The following CNTNAP5 variants were observed in gnomAD, a reference collection of about 807,000 sequenced individuals.
CNTNAP5 encodes contactin-associated protein-like 5.
Under a neutral mutation model 150.2 loss-of-function variants are expected in CNTNAP5, and 72 were observed. That is an observed-to-expected ratio of 0.48 (90% CI 0.40 to 0.58). CNTNAP5 has a LOEUF of 0.58. Ranked by LOEUF, CNTNAP5 falls within the 20% of genes least tolerant of loss-of-function variation. The pLI is 0.00. For synonymous variants in CNTNAP5, 672 were observed against 619.8 expected, an observed-to-expected ratio of 1.08 and a Z score of -1.25; for missense variants, 1,636 against 1,626.2, an observed-to-expected ratio of 1.01 and a Z score of -0.10.
intron 10 of CNTNAP5, among the ~76,000 whole-genome samples, chr2:124,552,859 G>A (rs1400326094): frequency 1.3e-5 from 2 of 152,088 alleles, no homozygotes; most frequent in South Asian, 2.1e-4. Context: ...ATCTCTTTAC[G>A]TACAGACGTA....
At chr2:124,856,783 A>G (rs1229721297) in intron 19 of CNTNAP5, among the ~76,000 whole-genome samples, 3 of 152,312 alleles carry the variant, frequency 2.0e-5, no homozygotes, top group East Asian at 1.9e-4. Flanking sequence ...GGAGGAGTGT[A>G]GTATCTCTTC....
At chr2:124,800,371 A>G (rs1208479434) in intron 19 of CNTNAP5, among the ~76,000 whole-genome samples, 1 of 147,822 alleles carries the variant, frequency 6.8e-6, no homozygotes, top group Non-Finnish European at 1.5e-5. Flanking sequence ...TTGCACACAC[A>G]TATACACACA....
intron 3 of CNTNAP5, among the ~76,000 whole-genome samples, chr2:124,402,814 A>T (rs750801090): frequency 5.3e-5 from 8 of 152,038 alleles, no homozygotes; most frequent in Non-Finnish European, 1.0e-4. Flanking sequence ...CTATTGTTTA[A>T]CTCTCATTTT....
intron 3 of CNTNAP5, among the ~76,000 whole-genome samples, chr2:124,261,560 A>G (rs1687455928): frequency 6.6e-6 from 1 of 152,182 alleles, no homozygotes; most frequent in South Asian, 2.1e-4. Flanking sequence ...CCCCAAGCAC[A>G]AATCTGCCTC....
intron 3 of CNTNAP5, among the ~76,000 whole-genome samples, chr2:124,374,282 A>G (rs1015626929): frequency 7.2e-4 from 109 of 152,260 alleles, no homozygotes; most frequent in Middle Eastern, 6.8e-3. Context: ...AAAACCAGAT[A>G]GAAAGTCAAA....
At chr2:124,065,488 G>A (rs1426040806) in intron 1 of CNTNAP5, among the ~76,000 whole-genome samples, 1 of 152,106 alleles carries the variant, frequency 6.6e-6, no homozygotes, top group African/African-American at 2.4e-5. Context: ...CTAAAGATGA[G>A]CTACAGTATC....
Position 124,747,261 on chromosome 2 carries a change from T to G in CNTNAP5, c.2110T>G (p.Ser704Ala), listed in dbSNP as rs1192332581. The G allele has an allele frequency of 1.9e-6, 3 of 1,613,634 alleles. No individual in the cohort carries two copies. Among genetic ancestry groups the G allele is most frequent in the Non-Finnish European group, 2.5e-6 (3 of 1,179,740 alleles). The change falls in exon 14 of 24, where the codon TCC becomes GCC. Residue 704 changes from serine (S) to alanine (A), a missense_variant. By Grantham distance (99) the Ser-to-Ala change is moderately conservative. Coordinates refer to ENST00000682447, the MANE Select transcript of CNTNAP5 (RefSeq NM_001367498.1). ...GTPFTWWIGR[S>A]NERHPYWGGS... ...ACCATTTACCTGGTGGATTGGGCGG[T>G]CCAATGAAAGGCACCCTTACTGGGG...
At chr2:124,679,669 A>C (rs1183179134) in intron 13 of CNTNAP5, among the ~76,000 whole-genome samples, 1 of 151,584 alleles carries the variant, frequency 6.6e-6, no homozygotes, top group Non-Finnish European at 1.5e-5. Flanking sequence ...CCCTGGCTCA[A>C]GTTATCCTCC....
intron 7 of CNTNAP5, among the ~76,000 whole-genome samples, chr2:124,491,012 A>G (rs1694011472): frequency 6.6e-6 from 1 of 152,128 alleles, no homozygotes; most frequent in Admixed American, 6.6e-5. Context: ...TTTTTATTTT[A>G]AAACATTTAA....
At chr2:124,153,908 G>A (rs1356608091) in intron 1 of CNTNAP5, among the ~76,000 whole-genome samples, 6 of 151,920 alleles carry the variant, frequency 3.9e-5, no homozygotes, top group South Asian at 2.1e-4. Context: ...CCACTAAGCC[G>A]GGCCCTGGGG....
At chr2:124,710,527 G>GAACCCATCAGTC (rs897807020) in intron 13 of CNTNAP5, among the ~76,000 whole-genome samples, 1 of 152,114 alleles carries the variant, frequency 6.6e-6, no homozygotes, top group African/African-American at 2.4e-5. Context: ...CATTGTCGGT[G>GAACCCATCAGTC]AACCCATCAG....
chr2:124,125,720 A>G (rs1200767354), intron 1 of CNTNAP5, among the ~76,000 whole-genome samples: 10 of 152,214 alleles, frequency 6.6e-5, no homozygotes, highest in African/African-American at 2.2e-4. Flanking sequence ...TGTCTCTCAG[A>G]TCACAGTGCA....
At chr2:124,858,527 G>A (rs1265907797) in intron 19 of CNTNAP5, among the ~76,000 whole-genome samples, 2 of 152,090 alleles carry the variant, frequency 1.3e-5, no homozygotes, top group African/African-American at 4.8e-5. Flanking sequence ...AGGAGAACAA[G>A]CCACTGCTCA....
chr2:124,160,255 A>G (rs776050927), intron 1 of CNTNAP5, among the ~76,000 whole-genome samples: 1 of 152,192 alleles, frequency 6.6e-6, no homozygotes, highest in Non-Finnish European at 1.5e-5. Flanking sequence ...CAGGCAAAGA[A>G]AGAGAATATT....
intron 3 of CNTNAP5, among the ~76,000 whole-genome samples, chr2:124,389,985 G>C (rs950647969): frequency 9.4e-6 from 1 of 106,276 alleles, no homozygotes; most frequent in African/African-American, 2.7e-5. Flanking sequence ...AGTAATAATA[G>C]TAATAACAAT....
At chr2:124,117,436 T>C (rs1346629982) in intron 1 of CNTNAP5, among the ~76,000 whole-genome samples, 2 of 152,214 alleles carry the variant, frequency 1.3e-5, no homozygotes, top group East Asian at 1.9e-4. Context: ...ATATGCTCCA[T>C]ACATTTGTGT....
At chr2:124,294,416 G>T (rs1688371752) in intron 3 of CNTNAP5, among the ~76,000 whole-genome samples, 1 of 152,020 alleles carries the variant, frequency 6.6e-6, no homozygotes, top group African/African-American at 2.4e-5. Flanking sequence ...AATTAACACA[G>T]CAGGGGTCTC....
chr2:124,148,764 T>A (rs1287674871), intron 1 of CNTNAP5, among the ~76,000 whole-genome samples: 2 of 150,724 alleles, frequency 1.3e-5, no homozygotes, highest in African/African-American at 4.9e-5. Flanking sequence ...TATATATATT[T>A]GCGTGTGCAC....
chr2:124,403,322 T>C (rs1363195288), intron 3 of CNTNAP5, among the ~76,000 whole-genome samples: 3 of 152,212 alleles, frequency 2.0e-5, no homozygotes, highest in Non-Finnish European at 2.9e-5. Flanking sequence ...TGAAGAGTAT[T>C]GCATGTATTG....
Sources: gnomAD v4.1 joint callset for allele counts (sites outside exome capture counted in the v4.1 genomes callset) on GRCh38, gnomAD v4.1.1 for gene constraint, MANE v1.5 for transcripts, NCBI Gene and HGNC (gene_info 2026-07-23, HGNC 2026-07-21) for gene names.